The following SPON1 variants were observed in gnomAD, a reference collection of about 807,000 sequenced individuals.
SPON1 encodes spondin-1.
A neutral mutation model predicts 111.7 loss-of-function variants in SPON1; 52 were observed. The ratio of observed to expected loss-of-function variants is 0.47; its 90% confidence interval spans 0.37 to 0.59. The LOEUF (loss-of-function observed/expected upper bound fraction) is 0.59, where lower values mean the gene tolerates loss of function less well. SPON1 is among the 20% of genes least tolerant of loss of function. SPON1 has a pLI of 0.00. For missense variants in SPON1, 957 were observed against 1,068.5 expected (o/e 0.90, Z 1.46); for synonymous variants, 410 against 395.8 (o/e 1.04, Z -0.43).
intron 6 of SPON1, among the ~76,000 whole-genome samples, chr11:14,137,503 C>T (rs1430113252): frequency 2.0e-5 from 3 of 152,116 alleles, no homozygotes; most frequent in African/African-American, 7.2e-5. Flanking sequence ...ATCTACTTTT[C>T]GCCCCCCTCA....
chr11:14,137,326 C>T (rs530174145), intron 6 of SPON1, among the ~76,000 whole-genome samples: 2 of 152,282 alleles, frequency 1.3e-5, no homozygotes, highest in South Asian at 4.2e-4. Context: ...ATCAGCATGG[C>T]TGTGATTGGC....
At chr11:14,165,869 T>C (rs1333443376) in intron 6 of SPON1, among the ~76,000 whole-genome samples, 4 of 152,246 alleles carry the variant, frequency 2.6e-5, no homozygotes, top group African/African-American at 4.8e-5. Context: ...TCACTTAGGC[T>C]TTTTAAACTG....
At chr11:14,059,437 A>G (rs1848773400) in intron 3 of SPON1, among the ~76,000 whole-genome samples, 1 of 152,084 alleles carries the variant, frequency 6.6e-6, no homozygotes. Flanking sequence ...TGGGAAACAT[A>G]CTTTCCACCA....
intron 1 of SPON1, among the ~76,000 whole-genome samples, chr11:13,970,012 G>A (rs1302562365): frequency 6.6e-6 from 1 of 152,314 alleles, no homozygotes; most frequent in Admixed American, 6.5e-5. Flanking sequence ...GTAGCAAGTG[G>A]CCCAAATCAT....
intron 3 of SPON1, among the ~76,000 whole-genome samples, chr11:14,068,632 A>C (rs1396395854): frequency 1.3e-5 from 2 of 152,184 alleles, no homozygotes; most frequent in Non-Finnish European, 2.9e-5. Context: ...CCCTGGTTTT[A>C]AAAACTTAGT....
In SPON1 at chr11:14,161,303, A is replaced by ATT. The variant is rs782394753; in HGVS notation, c.825+25736_825+25737insTT. Reference sequence around the variant, plus strand: ...TATATATATTTATATATTTATATATATATTTTTTTATATCTATATATTTAT... The same window carrying ATT: ...TATATATATTTATATATTTATATATATTTATTTTTTTATATCTATATATTTAT... On this transcript the variant is annotated intron_variant, in intron 6 of 15. Transcript: ENST00000576479. 4.1e-4 allele frequency among the ~76,000 whole-genome samples: 29 copies of ATT among 71,148 alleles called. 5 individuals carry two copies. The highest frequency in any genetic ancestry group is 1.8e-3 in the South Asian group (4 of 2,258). The allele number at this position is 71,148 out of a possible 152,430, so 46.7% of individuals were successfully genotyped here. A position where few individuals can be genotyped will look rare whatever the true frequency, so the allele number is the denominator to read the frequency against.
intron 3 of SPON1, among the ~76,000 whole-genome samples, chr11:14,044,715 T>C (rs1388247338): frequency 2.0e-5 from 3 of 152,238 alleles, no homozygotes; most frequent in African/African-American, 7.2e-5. Context: ...TTTAGACTTA[T>C]CTCTGCTTTT....
chr11:14,158,818 T>G lies in SPON1; in HGVS notation c.825+23250T>G, dbSNP rs150460013. Among the ~76,000 whole-genome samples, 801 of 152,256 alleles carry G rather than the reference T, an allele frequency of 5.3e-3. 4 individuals are homozygous for G. The highest frequency in any genetic ancestry group is 0.019 in the African/African-American group (770 of 41,560). On this transcript the variant is annotated intron_variant, in intron 6 of 15. Transcript: ENST00000576479. ...TGTTGCAGGTGAAACTAGTATCTCTTCTTTAAGTACTTGGGTTCTGTCTCT... is the reference window on the plus strand; with the variant it reads ...TGTTGCAGGTGAAACTAGTATCTCTGCTTTAAGTACTTGGGTTCTGTCTCT...
At chr11:14,206,259 T>C (rs782413464) in intron 6 of SPON1, among the ~76,000 whole-genome samples, 6 of 152,128 alleles carry the variant, frequency 3.9e-5, no homozygotes, top group Non-Finnish European at 8.8e-5. Flanking sequence ...AGTGGCACGA[T>C]CTTGGCTCAC....
At chr11:14,044,478 G>T (rs1274066358) in intron 3 of SPON1, among the ~76,000 whole-genome samples, 2 of 152,098 alleles carry the variant, frequency 1.3e-5, no homozygotes, top group African/African-American at 2.4e-5. Flanking sequence ...TGGGCGTGGT[G>T]GTGCGCACCT....
chr11:14,130,557 AG>A, intron 5 of SPON1, among the ~76,000 whole-genome samples: 1 of 152,026 alleles, frequency 6.6e-6, no homozygotes, highest in East Asian at 2.0e-4. Flanking sequence ...GAGAAAAGGA[AG>A]GCATTTTTTA....
intron 2 of SPON1, among the ~76,000 whole-genome samples, chr11:14,032,812 A>G (rs567701791): frequency 6.6e-6 from 1 of 152,120 alleles, no homozygotes; most frequent in Non-Finnish European, 1.5e-5. Context: ...GTCTTCCCTC[A>G]TTCCCCACCC....
chr11:14,173,626 A>G (rs1392880947), intron 6 of SPON1, among the ~76,000 whole-genome samples: 3 of 151,858 alleles, frequency 2.0e-5, no homozygotes, highest in South Asian at 2.1e-4. Context: ...TTGTGGTTTT[A>G]TCTACCTTTT....
intron 5 of SPON1, among the ~76,000 whole-genome samples, chr11:14,090,047 A>G (rs1476963411): frequency 6.6e-6 from 1 of 152,142 alleles, no homozygotes; most frequent in East Asian, 1.9e-4. Flanking sequence ...TGCTGGCAGT[A>G]AGAATTTCAA....
intron 2 of SPON1, among the ~76,000 whole-genome samples, chr11:14,039,668 T>C (rs1848618882): frequency 6.6e-6 from 1 of 152,206 alleles, no homozygotes; most frequent in Non-Finnish European, 1.5e-5. Flanking sequence ...AATATCTATA[T>C]GATCTCAGTT....
intron 2 of SPON1, among the ~76,000 whole-genome samples, chr11:14,018,425 CAT>C (rs564871542): frequency 2.6e-5 from 4 of 152,214 alleles, no homozygotes; most frequent in African/African-American, 9.6e-5. Flanking sequence ...TTAGAAATGA[CAT>C]GGAAATTTCT....
intron 9 of SPON1, among the ~76,000 whole-genome samples, chr11:14,256,302 C>T (rs1201363560): frequency 1.3e-5 from 2 of 152,088 alleles, no homozygotes; most frequent in African/African-American, 4.8e-5. Context: ...GCAGTGAGGC[C>T]CAGTGCTCAA....
intron 3 of SPON1, among the ~76,000 whole-genome samples, chr11:14,073,171 G>T (rs1277087114): frequency 5.9e-5 from 9 of 151,988 alleles, no homozygotes; most frequent in Non-Finnish European, 1.2e-4. Flanking sequence ...TAATAATTTT[G>T]TGCCTAAAAC....
intron 3 of SPON1, among the ~76,000 whole-genome samples, chr11:14,073,482 C>T (rs1487558222): frequency 6.6e-6 from 1 of 152,166 alleles, no homozygotes; most frequent in Non-Finnish European, 1.5e-5. Flanking sequence ...TAGGTCCTCC[C>T]ATGAGCCCAT....
Sources: allele counts gnomAD v4.1 joint callset (sites outside exome capture counted in the v4.1 genomes callset), GRCh38; gene constraint gnomAD v4.1.1; transcripts MANE v1.5; gene names NCBI Gene and HGNC (gene_info 2026-07-23, HGNC 2026-07-21).